Variants in ZC3H4 observed in about 807,000 individuals in gnomAD.
ZC3H4 encodes the protein zinc finger CCCH domain-containing protein 4.
Under a neutral mutation model 108.3 loss-of-function variants are expected in ZC3H4, and 13 were observed. The ratio of observed to expected loss-of-function variants is 0.12; its 90% CI spans 0.08 to 0.19. The LOEUF (loss-of-function observed/expected upper bound fraction) is 0.19. ZC3H4 is among the 10% of genes least tolerant of loss of function. The pLI is 1.00. For synonymous variants in ZC3H4, 917 were observed against 749.6 expected, an observed-to-expected ratio of 1.22 and a Z score of -3.65; for missense variants, 1,734 against 1,838.8, an observed-to-expected ratio of 0.94 and a Z score of 1.04.
At position 47,067,067 on chromosome 19, in the gene ZC3H4, T is replaced by C; in HGVS notation, c.3201A>G (p.Lys1067=). 1 of 1,608,826 alleles carries C rather than the reference T, an allele frequency of 6.2e-7. No individual in the cohort carries two copies. Among genetic ancestry groups the C allele is most frequent in the Non-Finnish European group, 8.5e-7 (1 of 1,177,832 alleles). ...GSSAAPGSSD[K]PSDPRVRKAP... ...CCTTCCGCACCCGGGGGTCACTGGG[T>C]TTGTCGCTGGAACCGGGGGCGGCCG... Residue 1067 remains lysine, a synonymous_variant, in exon 15 of 15, where the codon AAA becomes AAG. Transcript: ENST00000253048. This position sits in a 1 kb window ranked among gnomAD's most constrained non-coding sequence, Gnocchi z 6.4.
intron 6 of ZC3H4, 89 bp from the exon 7 acceptor site, chr19:47,085,503 T>C (rs2057603980): frequency 8.1e-7 from 1 of 1,229,186 alleles, no homozygotes; most frequent in Non-Finnish European, 1.1e-6. Flanking sequence ...TTTTGAAGGA[T>C]GGTGACCATC....
intron 2 of ZC3H4, 135 bp downstream of exon 2, chr19:47,112,289 A>T (rs2123132175): frequency 1.8e-6 from 2 of 1,119,530 alleles, no homozygotes; most frequent in African/African-American, 3.2e-5. Flanking sequence ...AGAGACACCC[A>T]CCGACCCCGC....
At chr19:47,113,683 A>G (rs1216039782) in intron 1 of ZC3H4, 37 bp downstream of exon 1, 1 of 152,128 alleles carries the variant, frequency 6.6e-6, no homozygotes, top group Non-Finnish European at 1.5e-5. Flanking sequence ...ATGGGAGGGA[A>G]GGAATTCAGG....
rs537162600 is a variant in ZC3H4 at position 47,096,958 on chromosome 19, C to T, written c.162-2350G>A. 8.1e-6 allele frequency: 8 copies of T among 985,418 alleles called. No individual in the cohort carries two copies. In the Admixed American group the frequency reaches 3.7e-4, roughly 45 times the overall value. The allele number at this position is 985,418 out of a possible 1,614,324, so 61.0% of individuals were successfully genotyped here. A position where few individuals can be genotyped will look rare whatever the true frequency, so the allele number is the denominator to read the frequency against. On this transcript the variant is annotated intron_variant, in intron 2 of 14. Transcript: ENST00000253048. ...AGGCGACAGTCTTGCCCAGGGTCAG[C>T]TGAGGCCTCCTTCCCTGTCCTGATG...
intron 5 of ZC3H4, 26 bp downstream of exon 5, chr19:47,089,941 G>GGA: frequency 5.0e-6 from 8 of 1,613,230 alleles, no homozygotes; most frequent in South Asian, 1.1e-5. Context: ...ATGCCCCAGA[G>GGA]GAGAAACTGT....
chr19:47,080,441 C>T (rs927233821), intron 11 of ZC3H4, among the ~76,000 whole-genome samples: 1 of 152,070 alleles, frequency 6.6e-6, no homozygotes, highest in Non-Finnish European at 1.5e-5. Context: ...TGCAAAGAAA[C>T]GTTTGACTTT....
chr19:47,100,784 C>T (rs746081275), intron 2 of ZC3H4, among the ~76,000 whole-genome samples: 2 of 152,042 alleles, frequency 1.3e-5, no homozygotes, highest in East Asian at 1.9e-4. Context: ...CTGCAACCTT[C>T]GCCTCCTGGG....
At chr19:47,103,690 G>T (rs950338875) in intron 2 of ZC3H4, among the ~76,000 whole-genome samples, 2 of 151,510 alleles carry the variant, frequency 1.3e-5, no homozygotes, top group Admixed American at 1.3e-4. Context: ...ACTTTGGGAG[G>T]ACGAGGCGGG....
rs759423827 is a variant in ZC3H4, at chr19:47,081,499, C to A, written c.1440+14G>T. ...GTTCCTGTAGCCGGGGGCCCCGTTA[C>A]CCCCGGACATTACCTTATCCAAGAG... is the stretch of plus-strand genomic sequence containing the variant. On this transcript the variant is annotated intron_variant, in intron 11 of 14. Coordinates refer to ENST00000253048, the MANE Select transcript of ZC3H4 (RefSeq NM_015168.2). 4.3e-6 allele frequency: 7 copies of A among 1,612,750 alleles called. No individual in the cohort carries two copies. In the Admixed American group the frequency reaches 1.2e-4, roughly 27 times the overall value.
chr19:47,086,843 A>G lies in ZC3H4; in HGVS notation c.716-305T>C, dbSNP rs141476372. Among the ~76,000 whole-genome samples, 218 of 152,348 alleles carry G rather than the reference A, an allele frequency of 1.4e-3. 1 individual carries two copies. The highest frequency in any genetic ancestry group is 8.7e-3 in the South Asian group (42 of 4,828). The stretch of plus-strand genomic sequence containing the variant: ...TATGGCAAACACCAGCCCATGGGCT[A>G]ATGTGCAACTAACACGTCTGGTCCA... On this transcript the variant is annotated intron_variant, in intron 5 of 14. Coordinates refer to ENST00000253048, the MANE Select transcript of ZC3H4 (RefSeq NM_015168.2).
At chr19:47,089,711 C>T (rs1048769950) in intron 5 of ZC3H4, among the ~76,000 whole-genome samples, 2 of 152,150 alleles carry the variant, frequency 1.3e-5, no homozygotes, top group East Asian at 3.9e-4. Context: ...CTTCTCCCCC[C>T]ACAGCTGACC....
intron 11 of ZC3H4, 101 bp downstream of exon 11, chr19:47,081,410 CTG>C: frequency 2.3e-6 from 2 of 879,664 alleles, no homozygotes; most frequent in Non-Finnish European, 3.8e-6. Context: ...ATCAACCAAA[CTG>C]GGCACTGCAG....
intron 9 of ZC3H4, among the ~76,000 whole-genome samples, chr19:47,083,287 G>C (rs949429966): frequency 6.6e-6 from 1 of 150,664 alleles, no homozygotes; most frequent in Non-Finnish European, 1.5e-5. Flanking sequence ...GGGCGACAGA[G>C]AGAGACTCGG....
chr19:47,108,555 A>T (rs1364788268), intron 2 of ZC3H4, among the ~76,000 whole-genome samples: 1 of 152,114 alleles, frequency 6.6e-6, no homozygotes, highest in Non-Finnish European at 1.5e-5. Flanking sequence ...TAAATTACTA[A>T]CCAGGCCCAA....
chr19:47,105,138 C>G (rs2057952310), intron 2 of ZC3H4, among the ~76,000 whole-genome samples: 1 of 152,134 alleles, frequency 6.6e-6, no homozygotes, highest in Admixed American at 6.6e-5. Context: ...TATATTCCCT[C>G]CTCATTCCTT....
chr19:47,096,417 A>G (rs1024980290), intron 2 of ZC3H4, among the ~76,000 whole-genome samples: 14 of 152,242 alleles, frequency 9.2e-5, no homozygotes, highest in African/African-American at 3.1e-4. Context: ...GGCGTGGAGC[A>G]AAGTCCTCAC....
chr19:47,089,959 G>C lies in ZC3H4; in HGVS notation c.715+8C>G. On this transcript the variant is annotated splice_region_variant and intron_variant, in intron 5 of 14. Transcript: ENST00000253048. ...CCCCAGAGGAGAAACTGTAAGGGCA[G>C]GGCTCACCTCGGCCGCGGCTGCTGC... The C allele has an allele frequency of 6.2e-7, 1 of 1,613,994 alleles. No homozygotes were observed. The highest frequency in any genetic ancestry group is 2.2e-5 in the East Asian group (1 of 44,886).
chr19:47,103,758 C>T (rs2057933195), intron 2 of ZC3H4, among the ~76,000 whole-genome samples: 1 of 108,846 alleles, frequency 9.2e-6, no homozygotes, highest in South Asian at 3.3e-4. Flanking sequence ...AACCCCGTCT[C>T]TACTAAAAAA....
chr19:47,067,103 G>T lies in ZC3H4; in HGVS notation c.3165C>A (p.Ala1055=). ...LLSRILKTVN[A]TGSSAAPGSS... ...AACCGGGGGCGGCCGAGGAGCCGGTGGCATTGACTGTCTTGAGGATGCGAG... is the reference window on the plus strand; with the variant it reads ...AACCGGGGGCGGCCGAGGAGCCGGTTGCATTGACTGTCTTGAGGATGCGAG... Residue 1055 remains alanine (A), a synonymous_variant, in exon 15 of 15, where the codon GCC becomes GCA. Coordinates refer to ENST00000253048, the MANE Select transcript of ZC3H4 (RefSeq NM_015168.2). This position sits in a 1 kb window ranked among gnomAD's most constrained non-coding sequence, Gnocchi z 6.4. 1 of 1,611,824 alleles carries T rather than the reference G, an allele frequency of 6.2e-7. No homozygotes were observed. Among genetic ancestry groups the T allele is most frequent in the Non-Finnish European group, 8.5e-7 (1 of 1,178,900 alleles).
Sources: allele counts gnomAD v4.1 joint callset (sites outside exome capture counted in the v4.1 genomes callset), GRCh38; gene constraint gnomAD v4.1.1; non-coding constraint Gnocchi (gnomAD v3.1); transcripts MANE v1.5; gene names NCBI Gene and HGNC (gene_info 2026-07-23, HGNC 2026-07-21).